SAMTOR: variants seen among roughly 807,000 people sequenced by gnomAD.
SAMTOR encodes UPF0532 protein C7orf60.
At chr7:112,917,286 G>A in the SAMTOR span, among the ~76,000 whole-genome samples, 3 of 152,326 alleles carry the variant, frequency 2.0e-5, no homozygotes, top group East Asian at 3.9e-4. Context: ...AGCAGCATTC[G>A]CGGTTCACGA....
chr7:112,859,927 G>T, the SAMTOR span, among the ~76,000 whole-genome samples: 1 of 152,094 alleles, frequency 6.6e-6, no homozygotes, highest in South Asian at 2.1e-4. Flanking sequence ...TGTTTATAAA[G>T]TCTATAGTAG....
chr7:112,939,607 G>C, the SAMTOR span: 1 of 1,613,984 alleles, frequency 6.2e-7, no homozygotes, highest in Admixed American at 1.7e-5. Context: ...GGTACTTCTT[G>C]CGGAGCCGCC....
the SAMTOR span, chr7:112,820,543 ATG>A: frequency 1.3e-5 from 2 of 152,408 alleles, no homozygotes; most frequent in African/African-American, 4.8e-5. Flanking sequence ...TGACAAGACA[ATG>A]TGGACTAAAT....
chr7:112,903,239 G>C, the SAMTOR span, among the ~76,000 whole-genome samples: 2 of 151,864 alleles, frequency 1.3e-5, no homozygotes, highest in Admixed American at 1.3e-4. Context: ...CTTAACCCTG[G>C]AAGTGGAGGC....
the SAMTOR span, among the ~76,000 whole-genome samples, chr7:112,926,162 TA>T: frequency 6.6e-6 from 1 of 152,156 alleles, no homozygotes; most frequent in African/African-American, 2.4e-5. Context: ...AGCACTCATT[TA>T]AAGTGGGTCT....
chr7:112,834,090 T>G, the SAMTOR span, among the ~76,000 whole-genome samples: 1 of 152,226 alleles, frequency 6.6e-6, no homozygotes, highest in South Asian at 2.1e-4. Context: ...TGCTGTTGTT[T>G]TTGAGTTGTT....
the SAMTOR span, among the ~76,000 whole-genome samples, chr7:112,938,677 A>G: frequency 2.7e-4 from 41 of 152,332 alleles, no homozygotes; most frequent in African/African-American, 9.4e-4. Context: ...AAGCCTATGA[A>G]AACAGAATTT....
chr7:112,823,316 C>A, the SAMTOR span, among the ~76,000 whole-genome samples: 1 of 152,128 alleles, frequency 6.6e-6, no homozygotes, highest in African/African-American at 2.4e-5. Context: ...TATTTTTACA[C>A]TCATGAAACC....
the SAMTOR span, among the ~76,000 whole-genome samples, chr7:112,847,237 G>A: frequency 6.6e-6 from 1 of 152,162 alleles, no homozygotes; most frequent in African/African-American, 2.4e-5. Flanking sequence ...CAAAAAAATT[G>A]CCTTAGCAAA....
the SAMTOR span, among the ~76,000 whole-genome samples, chr7:112,925,275 T>C: frequency 6.6e-6 from 1 of 152,196 alleles, no homozygotes; most frequent in South Asian, 2.1e-4. Context: ...TAAGGTATTG[T>C]ATAATTTTAA....
At chr7:112,899,483 G>A in the SAMTOR span, among the ~76,000 whole-genome samples, 1 of 152,168 alleles carries the variant, frequency 6.6e-6, no homozygotes, top group Non-Finnish European at 1.5e-5. Context: ...GCCTTAAAGA[G>A]GAAGTACAGA....
chr7:112,914,332 A>T, the SAMTOR span, among the ~76,000 whole-genome samples: 1 of 146,554 alleles, frequency 6.8e-6, no homozygotes, highest in Non-Finnish European at 1.5e-5. Flanking sequence ...TATATAGGTA[A>T]ATTGCACGTC....
chr7:112,866,376 A>T, the SAMTOR span, among the ~76,000 whole-genome samples: 1 of 152,232 alleles, frequency 6.6e-6, no homozygotes, highest in Admixed American at 6.5e-5. Context: ...ACATAGTAAG[A>T]ATAAGCTTAC....
the SAMTOR span, among the ~76,000 whole-genome samples, chr7:112,865,396 G>C: frequency 6.6e-6 from 1 of 151,750 alleles, no homozygotes. Flanking sequence ...TCGTGCCTCA[G>C]CCTCCCAAGT....
chr7:112,934,223 G>T, the SAMTOR span, among the ~76,000 whole-genome samples: 1 of 152,060 alleles, frequency 6.6e-6, no homozygotes, highest in African/African-American at 2.4e-5. Context: ...TCTAACTACT[G>T]GTGTGTTCCA....
the SAMTOR span, among the ~76,000 whole-genome samples, chr7:112,830,187 T>C: frequency 2.6e-5 from 4 of 152,116 alleles, no homozygotes; most frequent in East Asian, 1.9e-4. Flanking sequence ...CCTAGAGTAA[T>C]TGTAGGGCTT....
At chr7:112,822,354 A>C in the SAMTOR span, 1 of 1,604,828 alleles carries the variant, frequency 6.2e-7, no homozygotes, top group Non-Finnish European at 8.5e-7. Flanking sequence ...TAAGTTCAGG[A>C]AATCACATTT....
chr7:112,939,789 C>T, the SAMTOR span: 2 of 1,511,356 alleles, frequency 1.3e-6, no homozygotes, highest in East Asian at 2.3e-5. Flanking sequence ...CTCAGGCCCC[C>T]GCAGACGCTC....
chr7:112,937,202 G>A, the SAMTOR span, among the ~76,000 whole-genome samples: 23 of 152,146 alleles, frequency 1.5e-4, no homozygotes, highest in African/African-American at 5.6e-4. Flanking sequence ...GATCAGCCAT[G>A]TTTGGGAATC....
Sources: allele counts gnomAD v4.1 joint callset (sites outside exome capture counted in the v4.1 genomes callset), GRCh38; gene constraint gnomAD v4.1.1; transcripts MANE v1.5; gene names NCBI Gene and HGNC (gene_info 2026-07-23, HGNC 2026-07-21).